HOXB3: variants seen among roughly 807,000 people sequenced by gnomAD.
HOXB3 encodes homeobox protein Hox-B3.
HOXB3 carries 17 observed loss-of-function variants against 29.2 expected under a neutral mutation model. The observed-to-expected ratio is 0.58, with a 90% CI of 0.40 to 0.87. The LOEUF is 0.87. Ranked by LOEUF, HOXB3 falls within the 40% of genes least tolerant of loss-of-function variation. The pLI, the probability that HOXB3 is intolerant of heterozygous loss-of-function variation, is 0.00. For missense variants in HOXB3, 637 were observed against 616.3 expected (o/e 1.03, Z -0.35); for synonymous variants, 317 against 285.9 (o/e 1.11, Z -1.10).
chr17:48,557,107 G>A (rs2069021947), intron 2 of HOXB3, among the ~76,000 whole-genome samples: 1 of 152,170 alleles, frequency 6.6e-6, no homozygotes, highest in African/African-American at 2.4e-5. Flanking sequence ...GTCATTCCGG[G>A]AGGAAGGAAA....
At chr17:48,583,972 G>A (rs1383071422) in intron 1 of HOXB3, among the ~76,000 whole-genome samples, 1 of 152,192 alleles carries the variant, frequency 6.6e-6, no homozygotes, top group Non-Finnish European at 1.5e-5. Flanking sequence ...ATCCTGGAAG[G>A]AAAAACGCCC....
At chr17:48,564,502 G>A (rs937508472) in intron 2 of HOXB3, among the ~76,000 whole-genome samples, 2 of 152,182 alleles carry the variant, frequency 1.3e-5, no homozygotes, top group Non-Finnish European at 2.9e-5. Context: ...CTCCGGGCGC[G>A]GCAGACGCCA....
At chr17:48,585,985 C>G (rs1434136877) in intron 1 of HOXB3, among the ~76,000 whole-genome samples, 3 of 152,180 alleles carry the variant, frequency 2.0e-5, no homozygotes, top group African/African-American at 7.2e-5. Flanking sequence ...CCTACCCCAC[C>G]GGGCTCCGAG....
intron 1 of HOXB3, chr17:48,578,170 CG>C: frequency 6.2e-7 from 1 of 1,608,762 alleles, no homozygotes; most frequent in Non-Finnish European, 8.5e-7. Flanking sequence ...AGCCCGCCTC[CG>C]GCTGGAAGCT....
chr17:48,555,884 A>T (rs1482842678), intron 2 of HOXB3, among the ~76,000 whole-genome samples: 2 of 152,198 alleles, frequency 1.3e-5, no homozygotes, highest in Admixed American at 1.3e-4. Context: ...AGCAGGGCTA[A>T]GCCGCCACAG....
At position 48,565,297 on chromosome 17, in the gene HOXB3, C is replaced by T. The variant is rs569778409; in HGVS notation, c.-247+8540G>A. On this transcript the variant is annotated intron_variant, in intron 2 of 4. Transcript: ENST00000498678. The stretch of plus-strand genomic sequence containing the variant: ...TTGGCCATTCCCTGGCACTTCAGCT[C>T]CTGCCACAGCTGCCTCACACCTGAT... 1.2e-4 allele frequency among the ~76,000 whole-genome samples: 19 copies of T among 152,276 alleles called. No individual in the cohort carries two copies. The East Asian group carries it at 3.7e-3, about 29-fold the overall frequency.
Position 48,584,810 on chromosome 17 carries a change from C to T in HOXB3, c.-425+5315G>A, listed in dbSNP as rs560305505. On this transcript the variant is annotated intron_variant, in intron 1 of 4. Coordinates refer to ENST00000498678, the MANE Select transcript of HOXB3 (RefSeq NM_001384749.1). ...GTTTCCCTTCCCCAGATATCTGCCT[C>T]TTCGCTGCCCATTTCTGCTCCCCCA... is the stretch of plus-strand genomic sequence containing the variant. Among the ~76,000 whole-genome samples, 10 of 152,228 alleles carry T rather than the reference C, an allele frequency of 6.6e-5. No homozygotes were observed. The South Asian group carries it at 1.9e-3, about 28-fold the overall frequency.
At chr17:48,553,264 G>GATTTTT (rs2068838630) in intron 3 of HOXB3, 1 of 152,340 alleles carries the variant, frequency 6.6e-6, no homozygotes, top group African/African-American at 2.4e-5. Flanking sequence ...AGAGCCAGCT[G>GATTTTT]AACCGAGACT....
At chr17:48,565,502 A>G (rs2069361122) in intron 2 of HOXB3, among the ~76,000 whole-genome samples, 1 of 151,892 alleles carries the variant, frequency 6.6e-6, no homozygotes, top group Non-Finnish European at 1.5e-5. Flanking sequence ...TTTTCTAACC[A>G]TCTCTGTTGT....
chr17:48,571,091 T>G (rs975266027), intron 2 of HOXB3, among the ~76,000 whole-genome samples: 8 of 152,176 alleles, frequency 5.3e-5, no homozygotes, highest in Admixed American at 1.3e-4. Flanking sequence ...GACCATACTC[T>G]TTTCGGATCC....
chr17:48,575,770 G>T (rs2069738017), intron 1 of HOXB3: 1 of 152,494 alleles, frequency 6.6e-6, no homozygotes, highest in Non-Finnish European at 1.5e-5. Context: ...AGACTGGGAG[G>T]GGCACATTTT....
intron 2 of HOXB3, chr17:48,557,360 TGA>T (rs1284667330): frequency 6.6e-6 from 1 of 152,166 alleles, no homozygotes; most frequent in Non-Finnish European, 1.5e-5. Context: ...ACAACAAAGG[TGA>T]GAGTTGATTT....
intron 1 of HOXB3, among the ~76,000 whole-genome samples, chr17:48,574,661 C>T (rs1160094108): frequency 6.6e-6 from 1 of 152,146 alleles, no homozygotes; most frequent in African/African-American, 2.4e-5. Flanking sequence ...CTGGAGCCCC[C>T]AGACCTTAGA....
rs1381327336 is a variant in HOXB3 at position 48,552,445 on chromosome 17, G to A, written c.30C>T (p.Ala10=). Residue 10 remains alanine (A), a synonymous_variant, in exon 4 of 5, where the codon GCC becomes GCT. Transcript: ENST00000498678. MQKATYYDN[A]AAALFGGYSS... ...AATAGCCTCCGAAGAGAGCAGCCGCGGCGTTGTCGTAGTAGGTGGCTTTCT... is the reference window on the plus strand; with the variant it reads ...AATAGCCTCCGAAGAGAGCAGCCGCAGCGTTGTCGTAGTAGGTGGCTTTCT... 2 of 1,583,646 alleles carry A rather than the reference G, an allele frequency of 1.3e-6. No homozygotes were observed. The highest frequency in any genetic ancestry group is 1.7e-6 in the Non-Finnish European group (2 of 1,162,174).
rs568428202 is a variant in HOXB3, at chr17:48,574,903, T to C, written c.-424-889A>G. ...CCATTTGTCTTCTTGATTATCTATT[T>C]GCTTGTCAGAGTTTGAGCTATGGCA... On this transcript the variant is annotated intron_variant, in intron 1 of 4. Transcript: ENST00000498678. 2.0e-5 allele frequency: 3 copies of C among 152,390 alleles called. No homozygotes were observed. In the South Asian group the frequency reaches 6.2e-4, roughly 32 times the overall value. 9.4% of individuals were successfully genotyped at this position (152,390 alleles called of 1,614,324 possible).
Position 48,550,374 on chromosome 17 carries a change from T to G in HOXB3, c.1256A>C (p.Gln419Pro). ...TTTGGGCGCTTCTTGGATTCTACCC[T>G]GAGGAGGAGGCGCGTGGTGAGAGGA... ...DLSSHHAPPP[Q>P]GRIQEAPKLT... The change falls in exon 5 of 5, where the codon CAG becomes CCG. Residue 419 changes from glutamine (Q) to proline (P), a missense_variant. Physicochemically the swap from Gln to Pro is moderately conservative, Grantham distance 76 (BLOSUM62 -1). Coordinates refer to ENST00000498678, the MANE Select transcript of HOXB3 (RefSeq NM_001384749.1). 2 of 1,614,024 alleles carry G rather than the reference T, an allele frequency of 1.2e-6. No individual in the cohort carries two copies. Among genetic ancestry groups the G allele is most frequent in the Non-Finnish European group, 1.7e-6 (2 of 1,180,004 alleles).
intron 1 of HOXB3, among the ~76,000 whole-genome samples, chr17:48,586,497 A>G (rs962126263): frequency 4.6e-5 from 7 of 152,102 alleles, no homozygotes; most frequent in African/African-American, 1.4e-4. Context: ...AGCGGCTCGG[A>G]GCCCCACGTA....
intron 2 of HOXB3, among the ~76,000 whole-genome samples, chr17:48,561,038 G>T (rs993400690): frequency 2.6e-5 from 4 of 152,140 alleles, no homozygotes; most frequent in Admixed American, 6.5e-5. Context: ...AAATTAGCCA[G>T]GTGTGGTGGC....
At chr17:48,569,292 C>T (rs2069503880) in intron 2 of HOXB3, among the ~76,000 whole-genome samples, 1 of 152,050 alleles carries the variant, frequency 6.6e-6, no homozygotes, top group South Asian at 2.1e-4. Context: ...AGAAATTTTC[C>T]TGCAAAATAA....
Sources: gnomAD v4.1 joint callset for allele counts (sites outside exome capture counted in the v4.1 genomes callset) on GRCh38, gnomAD v4.1.1 for gene constraint, MANE v1.5 for transcripts, NCBI Gene and HGNC (gene_info 2026-07-23, HGNC 2026-07-21) for gene names.